The following DOCK3 variants were observed in gnomAD, a reference collection of about 807,000 sequenced individuals.
DOCK3 encodes the protein dedicator of cytokinesis 3, also known as dedicator of cytokinesis protein 3.
A neutral mutation model predicts 265.6 loss-of-function variants in DOCK3; 60 were observed. That is an observed-to-expected ratio of 0.23 (90% CI 0.18 to 0.28). The LOEUF (loss-of-function observed/expected upper bound fraction) is 0.28, where lower values mean the gene tolerates loss of function less well. DOCK3 is among the 10% of genes least tolerant of loss of function. The probability of loss-of-function intolerance (pLI) is 1.00; values close to 1 mark genes in which losing one functional copy is unlikely to be tolerated. For missense variants in DOCK3, 1,981 were observed against 2,594.3 expected (o/e 0.76, Z 5.14); for synonymous variants, 881 against 938.0 (o/e 0.94, Z 1.11).
intron 49 of DOCK3, among the ~76,000 whole-genome samples, chr3:51,370,365 G>A (rs545048294): frequency 1.3e-5 from 2 of 152,292 alleles, no homozygotes; most frequent in South Asian, 4.1e-4. Flanking sequence ...GAATCATGAT[G>A]ATTGATAAAC....
intron 1 of DOCK3, among the ~76,000 whole-genome samples, chr3:50,699,516 G>A (rs567301881): frequency 2.0e-4 from 30 of 148,868 alleles, no homozygotes; most frequent in Non-Finnish European, 3.2e-4. Flanking sequence ...GCAGTGGCAC[G>A]ATCTCTGCTT....
chr3:51,116,702 G>T (rs771717324), intron 9 of DOCK3, among the ~76,000 whole-genome samples: 1 of 151,956 alleles, frequency 6.6e-6, no homozygotes, highest in South Asian at 2.1e-4. Flanking sequence ...GTATTCCTGG[G>T]CATTTTATTC....
intron 1 of DOCK3, among the ~76,000 whole-genome samples, chr3:50,683,362 T>C (rs1240213257): frequency 6.6e-6 from 1 of 152,248 alleles, no homozygotes; most frequent in Non-Finnish European, 1.5e-5. Flanking sequence ...TATTACTATA[T>C]TTTCTTTGGA....
intron 12 of DOCK3, among the ~76,000 whole-genome samples, chr3:51,185,315 T>C (rs1011600383): frequency 6.6e-6 from 1 of 152,174 alleles, no homozygotes; most frequent in Non-Finnish European, 1.5e-5. Flanking sequence ...CTCTATAATA[T>C]CTTTGCAATT....
chr3:51,329,397 ACAAT>A (rs2084369612), intron 32 of DOCK3, among the ~76,000 whole-genome samples: 1 of 152,160 alleles, frequency 6.6e-6, no homozygotes, highest in South Asian at 2.1e-4. Context: ...AATCAAACAA[ACAAT>A]CAAGCACGGG....
chr3:51,358,124 A>G, intron 46 of DOCK3, 47 bp downstream of exon 46: 2 of 1,587,742 alleles, frequency 1.3e-6, no homozygotes, highest in Non-Finnish European at 1.7e-6. Flanking sequence ...ACCAGGTGTC[A>G]CTTCCTCCAG....
rs756626435 is a variant in DOCK3 at position 51,237,324 on chromosome 3, G to T, written c.2002-166G>T. Among the ~76,000 whole-genome samples the T allele has an allele frequency of 5.3e-5, 8 of 152,298 alleles. 1 individual carries two copies. In the South Asian group the frequency reaches 1.7e-3, roughly 32 times the overall value. Reference sequence around the variant, plus strand: ...GGGGTGTTAGAGAAAAGACAAGACAGAAATACAGACACAGAATGGAAATCT... The same window carrying T: ...GGGGTGTTAGAGAAAAGACAAGACATAAATACAGACACAGAATGGAAATCT... On this transcript the variant is annotated intron_variant, in intron 20 of 52. Coordinates refer to ENST00000266037, the MANE Select transcript of DOCK3 (RefSeq NM_004947.5).
At chr3:50,977,549 C>T (rs934135398) in intron 5 of DOCK3, among the ~76,000 whole-genome samples, 11 of 152,188 alleles carry the variant, frequency 7.2e-5, no homozygotes, top group South Asian at 2.1e-4. Flanking sequence ...GAGGGTAACC[C>T]GACCTTTCTC....
At chr3:50,838,594 A>G (rs963437056) in intron 2 of DOCK3, among the ~76,000 whole-genome samples, 4 of 152,250 alleles carry the variant, frequency 2.6e-5, no homozygotes, top group African/African-American at 9.6e-5. Context: ...TGTAAAGTCA[A>G]GATATTAATG....
chr3:51,275,391 A>C (rs147587491), intron 25 of DOCK3, among the ~76,000 whole-genome samples, 185 bp downstream of exon 25: 1 of 152,322 alleles, frequency 6.6e-6, no homozygotes, highest in African/African-American at 2.4e-5. Flanking sequence ...AGTACAACAC[A>C]TTCTTGCTAT....
intron 4 of DOCK3, among the ~76,000 whole-genome samples, chr3:50,930,364 G>T (rs972537211): frequency 2.0e-5 from 3 of 152,180 alleles, no homozygotes; most frequent in African/African-American, 7.2e-5. Context: ...CGCCTTGGGC[G>T]GCTGCAGCCT....
At chr3:51,189,422 C>G (rs2087806824) in intron 12 of DOCK3, among the ~76,000 whole-genome samples, 1 of 152,110 alleles carries the variant, frequency 6.6e-6, no homozygotes, top group African/African-American at 2.4e-5. Context: ...CTCCCACCCT[C>G]CCCTTTCTGA....
rs2088610959 is a variant in DOCK3 at position 51,381,232 on chromosome 3, G to T, written c.5766G>T (p.Trp1922Cys). The change falls in exon 53 of 53, where the codon TGG becomes TGT. Residue 1922 changes from tryptophan (W) to cysteine (C), a missense_variant. By Grantham distance (215) the Trp-to-Cys change is radical. Coordinates refer to ENST00000266037, the MANE Select transcript of DOCK3 (RefSeq NM_004947.5). This position sits in a 1 kb window ranked among gnomAD's most constrained non-coding sequence, Gnocchi z 5.6. The stretch of plus-strand genomic sequence containing the variant: ...TGGACTCCATGCCAAGTCAGGCCTG[G>T]AATGCTGACGAAGATCTTGAGCCAC... The part of the protein sequence containing the change: ...DTMDSMPSQA[W>C]NADEDLEPPY... 1 of 1,613,758 alleles carries T rather than the reference G, an allele frequency of 6.2e-7. No homozygotes were observed. The highest frequency in any genetic ancestry group is 8.5e-7 in the Non-Finnish European group (1 of 1,179,874).
At chr3:51,280,669 A>G (rs763093414) in intron 27 of DOCK3, among the ~76,000 whole-genome samples, 1 of 152,140 alleles carries the variant, frequency 6.6e-6, no homozygotes, top group East Asian at 1.9e-4. Flanking sequence ...TTTGCTGCCA[A>G]ACTCTGGGTC....
chr3:51,299,540 G>A (rs2082269774), intron 27 of DOCK3, among the ~76,000 whole-genome samples: 1 of 152,114 alleles, frequency 6.6e-6, no homozygotes, highest in East Asian at 1.9e-4. Context: ...TAGGGTTTTT[G>A]TAGTTTTGGG....
At chr3:51,022,670 T>C (rs1470715419) in intron 5 of DOCK3, among the ~76,000 whole-genome samples, 2 of 152,342 alleles carry the variant, frequency 1.3e-5, no homozygotes, top group South Asian at 4.1e-4. Flanking sequence ...ATAGGTTTCT[T>C]GTTTACTCTG....
intron 1 of DOCK3, among the ~76,000 whole-genome samples, chr3:50,773,276 A>G (rs781446911): frequency 6.6e-6 from 1 of 152,176 alleles, no homozygotes; most frequent in South Asian, 2.1e-4. Context: ...ACCATTTACA[A>G]GAATCAACTC....
chr3:51,261,785 A>G lies in DOCK3; in HGVS notation c.2355+1459A>G, dbSNP rs183031935. 5.9e-5 allele frequency among the ~76,000 whole-genome samples: 9 copies of G among 152,278 alleles called. No homozygotes were observed. The East Asian group carries it at 1.7e-3, about 29-fold the overall frequency. ...GGCAGTTTTCCCCTCACAGTGTAAA[A>G]AAAAGCTGACAGGAACTTTGGACAA... is the stretch of plus-strand genomic sequence containing the variant. On this transcript the variant is annotated intron_variant, in intron 23 of 52. Coordinates refer to ENST00000266037, the MANE Select transcript of DOCK3 (RefSeq NM_004947.5).
chr3:51,165,674 T>C (rs111227052), intron 12 of DOCK3, among the ~76,000 whole-genome samples: 64 of 152,340 alleles, frequency 4.2e-4, no homozygotes, highest in African/African-American at 1.5e-3. Context: ...AGATTCCTCA[T>C]ATTAGTGAGA....
Sources: allele counts gnomAD v4.1 joint callset (sites outside exome capture counted in the v4.1 genomes callset), GRCh38; gene constraint gnomAD v4.1.1; non-coding constraint Gnocchi (gnomAD v3.1); transcripts MANE v1.5; gene names NCBI Gene and HGNC (gene_info 2026-07-23, HGNC 2026-07-21).